Variants in PRAMEF11 observed in about 807,000 individuals in gnomAD.
The protein encoded by PRAMEF11 is PRAME family member 11.
Under a neutral mutation model 33.6 loss-of-function variants are expected in PRAMEF11, and 17 were observed. The ratio of observed to expected loss-of-function variants is 0.51; its 90% CI spans 0.35 to 0.76. The LOEUF is 0.76. Among genes scored for constraint, PRAMEF11 ranks in the 30% least tolerant of loss-of-function variants. The probability of loss-of-function intolerance (pLI) is 0.01; values close to 1 mark genes in which losing one functional copy is unlikely to be tolerated. For missense variants in PRAMEF11, 568 were observed against 567.0 expected (o/e 1.00, Z -0.02); for synonymous variants, 205 against 227.3 (o/e 0.90, Z 0.88).
At position 12,827,808 on chromosome 1, in the gene PRAMEF11, C is replaced by T. The variant is rs746513766; in HGVS notation, c.316G>A (p.Asp106Asn). The T allele has an allele frequency of 1.1e-5, 17 of 1,607,508 alleles. No homozygotes were observed. The highest frequency in any genetic ancestry group is 1.4e-5 in the Non-Finnish European group (16 of 1,177,906). The change falls in exon 3 of 4, where the codon GAT becomes AAT. Residue 106 changes from aspartate to asparagine, a missense_variant. By Grantham distance (23) the Asp-to-Asn change is conservative. Coordinates refer to ENST00000619922, the MANE Select transcript of PRAMEF11 (RefSeq NM_001146344.3). ...RPRRWKLQVL[D>N]LQDVCENFWM... ...AAGTTCTCACAGACATCCTGTAAAT[C>T]CAGCACTTGAAGTTTCCATCTCCTG...
Position 12,828,874 on chromosome 1 carries a change from C to T in PRAMEF11, c.-16-69G>A, listed in dbSNP as rs1265654310. The T allele has an allele frequency of 1.8e-4, 282 of 1,597,564 alleles. 5 individuals carry two copies. The South Asian group carries it at 3.0e-3, about 17-fold the overall frequency. On this transcript the variant is annotated intron_variant, in intron 1 of 3. Coordinates refer to ENST00000619922, the MANE Select transcript of PRAMEF11 (RefSeq NM_001146344.3). ...AAGCCCATGCAATCTCATCTTCTCCCAGGGCCAAAGTCACTGCTCTGGCAA... is the reference window on the plus strand; with the variant it reads ...AAGCCCATGCAATCTCATCTTCTCCTAGGGCCAAAGTCACTGCTCTGGCAA...
Position 12,827,495 on chromosome 1 carries a change from T to A in PRAMEF11, c.629A>T (p.Gln210Leu), listed in dbSNP as rs1021067813. 1 of 1,611,332 alleles carries A rather than the reference T, an allele frequency of 6.2e-7. No individual in the cohort carries two copies. The highest frequency in any genetic ancestry group is 1.3e-5 in the African/African-American group (1 of 74,640). The change falls in exon 3 of 4, where the codon CAG (glutamine) becomes CTG (leucine). Residue 210 changes from glutamine to leucine, a missense_variant. Gln to Leu is a moderately radical substitution (Grantham distance 113). Transcript: ENST00000619922. ...ILKMVNLDCIQEVEVNCKWIL... is the reference protein window; with the variant it reads ...ILKMVNLDCILEVEVNCKWIL... ...CCACTTGCAATTCACTTCCACCTCC[T>A]GGATACAGTCTAGGTTCACCATTTT...
At chr1:12,826,652 C>T (rs1157013729) in intron 3 of PRAMEF11, among the ~76,000 whole-genome samples, 1 of 151,228 alleles carries the variant, frequency 6.6e-6, no homozygotes, top group East Asian at 2.0e-4. Flanking sequence ...ATCCCAGGTA[C>T]TCAGGAGGCT....
At chr1:12,830,844 C>T (rs530763361) in intron 1 of PRAMEF11, among the ~76,000 whole-genome samples, 1 of 150,486 alleles carries the variant, frequency 6.6e-6, no homozygotes, top group African/African-American at 2.4e-5. Flanking sequence ...CAAAAATTAG[C>T]GAGGCATGGT....
rs765829681 is a variant in PRAMEF11 at position 12,828,701 on chromosome 1, A to T, written c.89T>A (p.Leu30Gln). 5.6e-6 allele frequency: 9 copies of T among 1,610,330 alleles called. No homozygotes were observed. In the Admixed American group the frequency reaches 8.4e-5, roughly 15 times the overall value. ...LRDQALAVST[L>Q]EELPTELFPP... Reference sequence around the variant, plus strand: ...GAAAAGTTCCGTGGGCAGCTCCTCCAGGGTGGAGACGGCCAAGGCTTGGTC... The same window carrying T: ...GAAAAGTTCCGTGGGCAGCTCCTCCTGGGTGGAGACGGCCAAGGCTTGGTC... The change falls in exon 2 of 4, where the codon CTG (leucine) becomes CAG (glutamine). Residue 30 changes from leucine (L) to glutamine (Q), a missense_variant. Leu to Gln is a moderately radical substitution (Grantham distance 113, BLOSUM62 -2). Coordinates refer to ENST00000619922, the MANE Select transcript of PRAMEF11 (RefSeq NM_001146344.3).
chr1:12,828,345 C>T (rs1639922485), intron 2 of PRAMEF11, among the ~76,000 whole-genome samples, 152 bp downstream of exon 2: 1 of 148,852 alleles, frequency 6.7e-6, no homozygotes, highest in Non-Finnish European at 1.5e-5. Flanking sequence ...GCCTGGTGAG[C>T]AGTGCTTTCC....
At chr1:12,829,539 C>G (rs1348802995) in intron 1 of PRAMEF11, among the ~76,000 whole-genome samples, 2 of 151,130 alleles carry the variant, frequency 1.3e-5, no homozygotes, top group Admixed American at 6.6e-5. Flanking sequence ...TAGCTGGGAC[C>G]ACAGTTATGC....
rs1457015376 is a variant in PRAMEF11, at chr1:12,827,437, G to A, written c.687C>T (p.Tyr229=). 6.2e-7 allele frequency: 1 copy of A among 1,608,968 alleles called. No individual in the cohort carries two copies. The highest frequency in any genetic ancestry group is 8.5e-7 in the Non-Finnish European group (1 of 1,178,430). ...TCTGAAGATTCCTCAAGTGGCCCAG[G>A]TATGGGGTAAACTGTGTCAGGATGG... is the stretch of plus-strand genomic sequence containing the variant. ...ILPILTQFTP[Y]LGHLRNLQKL... is the part of the protein sequence containing the mutation. Residue 229 remains tyrosine, a synonymous_variant, in exon 3 of 4, where the codon TAC becomes TAT. Coordinates refer to ENST00000619922, the MANE Select transcript of PRAMEF11 (RefSeq NM_001146344.3).
In PRAMEF11 at chr1:12,824,714, T is replaced by G; in HGVS notation, c.*228A>C. The G allele has an allele frequency of 1.6e-6, 1 of 612,928 alleles. No individual in the cohort carries two copies. The highest frequency in any genetic ancestry group is 2.8e-6 in the Non-Finnish European group (1 of 359,680). The allele number at this position is 612,928 out of a possible 1,614,324, so 38.0% of individuals were successfully genotyped here. On this transcript the variant is annotated 3_prime_UTR_variant, in exon 4 of 4. Transcript: ENST00000619922. ...TGAATTCCACTCTAGACATTCAGAT[T>G]CCCATTTTCGACTCTACAGGATACA...
At position 12,828,766 on chromosome 1, in the gene PRAMEF11, T is replaced by A; in HGVS notation, c.24A>T (p.Pro8=). Residue 8 remains proline (P), a synonymous_variant, in exon 2 of 4, where the codon CCA becomes CCT. Coordinates refer to ENST00000619922, the MANE Select transcript of PRAMEF11 (RefSeq NM_001146344.3). ...GCCCCGCAAGCTCCAGGAGTCTGGG[T>A]GGAATCCGGATGCTCATCTTCATGA... MKMSIRI[P]PRLLELAGRS... The A allele has an allele frequency of 6.2e-7, 1 of 1,609,652 alleles. No individual in the cohort carries two copies. The highest frequency in any genetic ancestry group is 1.1e-5 in the South Asian group (1 of 90,478).
chr1:12,826,085 A>C (rs988765523), intron 3 of PRAMEF11, among the ~76,000 whole-genome samples: 4 of 150,738 alleles, frequency 2.7e-5, no homozygotes, highest in Admixed American at 2.0e-4. Context: ...CTCATCTGTC[A>C]GGCAGAAAAC....
intron 2 of PRAMEF11, 81 bp from the exon 3 acceptor site, chr1:12,827,911 C>G (rs1639910260): frequency 6.3e-7 from 1 of 1,589,180 alleles, no homozygotes; most frequent in South Asian, 1.1e-5. Flanking sequence ...AGCAGCTCCT[C>G]CCCTCCCTGC....
chr1:12,827,974 C>T, intron 2 of PRAMEF11, 144 bp from the exon 3 acceptor site: 5 of 1,432,060 alleles, frequency 3.5e-6, no homozygotes, highest in Non-Finnish European at 4.7e-6. Flanking sequence ...TTGGATCCTA[C>T]CCACTTCCAC....
rs1639818597 is a variant in PRAMEF11 at position 12,824,770 on chromosome 1, AC to A, written c.*171del. 1.9e-6 allele frequency: 2 copies of A among 1,069,616 alleles called. No homozygotes were observed. The highest frequency in any genetic ancestry group is 2.7e-6 in the Non-Finnish European group (2 of 750,650). 66.3% of individuals were successfully genotyped at this position (1,069,616 alleles called of 1,614,324 possible). ...CCAAAGTCCCATTGAATCCATGGCA[AC>A]ATTTCCCCCAAGTCCTGCCCCTGCT... On this transcript the variant is annotated 3_prime_UTR_variant, in exon 4 of 4. Coordinates refer to ENST00000619922, the MANE Select transcript of PRAMEF11 (RefSeq NM_001146344.3).
chr1:12,826,815 G>A (rs889170016), intron 3 of PRAMEF11, among the ~76,000 whole-genome samples: 2 of 151,302 alleles, frequency 1.3e-5, no homozygotes, highest in South Asian at 4.3e-4. Flanking sequence ...ATTTCTGACA[G>A]GGGTCTTGGG....
intron 1 of PRAMEF11, among the ~76,000 whole-genome samples, chr1:12,830,870 C>T (rs376184999): frequency 6.6e-6 from 1 of 150,458 alleles, no homozygotes; most frequent in East Asian, 2.0e-4. Flanking sequence ...ATGTCTGTGA[C>T]ACCAGCTTCT....
chr1:12,827,505 C>G lies in PRAMEF11; in HGVS notation c.619G>C (p.Asp207His). Residue 207 changes from aspartate to histidine, a missense_variant, in exon 3 of 4, where the codon GAC becomes CAC. Transcript: ENST00000619922. ...TTCACTTCCACCTCCTGGATACAGT[C>G]TAGGTTCACCATTTTCAGGATGCTT... ...IRSILKMVNLDCIQEVEVNCK... is the reference protein window; with the variant it reads ...IRSILKMVNLHCIQEVEVNCK... The G allele has an allele frequency of 1.2e-6, 2 of 1,611,332 alleles. No homozygotes were observed. Among genetic ancestry groups the G allele is most frequent in the African/African-American group, 1.3e-5 (1 of 74,736 alleles).
rs1359169849 is a variant in PRAMEF11, at chr1:12,827,364, G to A, written c.760C>T (p.Gln254Ter). ...AACTGGGTAACAATCTCCTTCTTCT[G>A]CTCTGGGGAAACGTAGCGAGAGACA... ...MDVSRYVSPE[Q>*]KKEIVTQFTT... The change falls in exon 3 of 4, where the codon CAG (glutamine) becomes TAG (stop). Residue 254 changes from glutamine to a stop codon, truncating the protein, a stop_gained. Coordinates refer to ENST00000619922, the MANE Select transcript of PRAMEF11 (RefSeq NM_001146344.3). LOFTEE classifies it high-confidence loss of function. 5 of 1,581,540 alleles carry A rather than the reference G, an allele frequency of 3.2e-6. No individual in the cohort carries two copies. In the South Asian group the frequency reaches 4.5e-5, roughly 14 times the overall value.
chr1:12,829,848 G>A (rs1246917347), intron 1 of PRAMEF11, among the ~76,000 whole-genome samples: 1 of 151,188 alleles, frequency 6.6e-6, no homozygotes, highest in Non-Finnish European at 1.5e-5. Flanking sequence ...ACTCCAGCCT[G>A]GGAAATAGGC....
Sources: gnomAD v4.1 joint callset for allele counts (sites outside exome capture counted in the v4.1 genomes callset) on GRCh38, gnomAD v4.1.1 for gene constraint, MANE v1.5 for transcripts, NCBI Gene and HGNC (gene_info 2026-07-23, HGNC 2026-07-21) for gene names.